Variants in CPLX2 observed in about 807,000 individuals in gnomAD.
CPLX2 encodes complexin 2, also known as complexin-2.
CPLX2 carries 5 observed loss-of-function variants against 16.3 expected under a neutral mutation model. The observed-to-expected ratio is 0.31, with a 90% CI of 0.16 to 0.64. CPLX2 has a LOEUF of 0.64. CPLX2 is among the 30% of genes least tolerant of loss of function. The pLI is 0.79. For synonymous variants in CPLX2, 89 were observed against 73.2 expected, an observed-to-expected ratio of 1.22 and a Z score of -1.10; for missense variants, 144 against 181.4, an observed-to-expected ratio of 0.79 and a Z score of 1.18.
intron 2 of CPLX2, 44 bp downstream of exon 2, chr5:175,878,814 C>T (rs1030691756): frequency 2.3e-5 from 37 of 1,610,916 alleles, no homozygotes; most frequent in Non-Finnish European, 3.1e-5. Flanking sequence ...CGGTCCCACC[C>T]TTGTGGGAGG....
chr5:175,804,646 A>G (rs983124810), intron 1 of CPLX2, among the ~76,000 whole-genome samples: 1 of 152,208 alleles, frequency 6.6e-6, no homozygotes, highest in African/African-American at 2.4e-5. Flanking sequence ...TTTATTAGAA[A>G]TGCACGATCT....
chr5:175,796,989 C>T (rs2113616139), intron 1 of CPLX2, among the ~76,000 whole-genome samples: 1 of 152,354 alleles, frequency 6.6e-6, no homozygotes, highest in South Asian at 2.1e-4. Flanking sequence ...CGCTCCAGCA[C>T]CATCTCGGGG....
chr5:175,880,091 T>C lies in CPLX2; in HGVS notation c.*46T>C. ...TACTCCACCTGTTACTACTTCTTTT[T>C]GGTTCTTTCTTTTCTTTTTATTAGG... On this transcript the variant is annotated 3_prime_UTR_variant, in exon 4 of 4. Transcript: ENST00000393745. 6.4e-7 allele frequency: 1 copy of C among 1,565,276 alleles called. No homozygotes were observed. Among genetic ancestry groups the C allele is most frequent in the South Asian group, 1.2e-5 (1 of 85,780 alleles).
intron 2 of CPLX2, among the ~76,000 whole-genome samples, chr5:175,843,405 G>A (rs962285408): frequency 1.3e-5 from 2 of 152,210 alleles, no homozygotes; most frequent in African/African-American, 2.4e-5. Flanking sequence ...CACACACAGC[G>A]CTGTGCATGC....
intron 2 of CPLX2, among the ~76,000 whole-genome samples, chr5:175,838,968 GCACT>G (rs1758894187): frequency 1.3e-5 from 2 of 152,234 alleles, no homozygotes. Context: ...GAGCAGGCCG[GCACT>G]GTGAAATGAG....
intron 2 of CPLX2, among the ~76,000 whole-genome samples, chr5:175,817,108 G>T (rs1197140998): frequency 1.3e-5 from 2 of 152,218 alleles, no homozygotes; most frequent in Non-Finnish European, 2.9e-5. Flanking sequence ...AAGTCAGTGG[G>T]CCCCACTCCA....
chr5:175,876,142 C>A (rs533045412), intron 1 of CPLX2, among the ~76,000 whole-genome samples: 4 of 152,194 alleles, frequency 2.6e-5, no homozygotes, highest in Non-Finnish European at 5.9e-5. Flanking sequence ...TATACCCCCA[C>A]ACTCACATAC....
intron 2 of CPLX2, among the ~76,000 whole-genome samples, chr5:175,858,000 C>A (rs775950721): frequency 2.0e-5 from 3 of 152,350 alleles, no homozygotes; most frequent in Admixed American, 6.5e-5. Flanking sequence ...CTGTCTCAGC[C>A]CAGCAACGTG....
At chr5:175,805,236 C>A (rs1010973293) in intron 1 of CPLX2, among the ~76,000 whole-genome samples, 1 of 152,138 alleles carries the variant, frequency 6.6e-6, no homozygotes, top group South Asian at 2.1e-4. Context: ...ACCCTAATAA[C>A]CCTTTTGAGT....
At chr5:175,869,887 A>G (rs1425342062), upstream of CPLX2, among the ~76,000 whole-genome samples, 1 of 152,222 alleles carries the variant, frequency 6.6e-6, no homozygotes, top group Admixed American at 6.5e-5. Context: ...CCATGTCAAA[A>G]GCAATACCAG....
intron 2 of CPLX2, among the ~76,000 whole-genome samples, chr5:175,824,056 C>A (rs913856710): frequency 3.2e-4 from 48 of 152,300 alleles, no homozygotes; most frequent in African/African-American, 1.1e-3. Context: ...AGGCCCCCTG[C>A]CAGCCATACA....
intron 1 of CPLX2, among the ~76,000 whole-genome samples, chr5:175,797,489 C>T (rs1390282789): frequency 6.6e-6 from 1 of 152,196 alleles, no homozygotes. Context: ...TGCGCCGCCC[C>T]GTCTTCCCTC....
chr5:175,859,488 A>G (rs1759322336), intron 2 of CPLX2, among the ~76,000 whole-genome samples: 1 of 152,240 alleles, frequency 6.6e-6, no homozygotes, highest in South Asian at 2.1e-4. Flanking sequence ...GTCTCTTGGA[A>G]GTAAGGGCAC....
chr5:175,871,431 G>GAGAGAA (rs1561790313), upstream of CPLX2: 7 of 79,708 alleles, frequency 8.8e-5, no homozygotes, highest in African/African-American at 3.0e-4. Flanking sequence ...GAGAGAGAGA[G>GAGAGAA]ACAGAGAGAG....
chr5:175,861,773 G>C (rs1490245678), intron 2 of CPLX2: 1 of 152,206 alleles, frequency 6.6e-6, no homozygotes, highest in Non-Finnish European at 1.5e-5. Flanking sequence ...GGTGAGTGTT[G>C]CACAGATGCA....
chr5:175,859,025 G>A (rs1176977510), intron 2 of CPLX2, among the ~76,000 whole-genome samples: 9 of 152,188 alleles, frequency 5.9e-5, no homozygotes, highest in African/African-American at 1.9e-4. Context: ...CAAGACGATG[G>A]AGCCTCCATG....
chr5:175,797,030 G>C (rs1757990804), intron 1 of CPLX2, among the ~76,000 whole-genome samples: 1 of 152,146 alleles, frequency 6.6e-6, no homozygotes, highest in African/African-American at 2.4e-5. Context: ...GGTCCCTATC[G>C]GGTCAGCACT....
At chr5:175,819,428 CATTTCAGCG>C (rs1758468219) in intron 2 of CPLX2, among the ~76,000 whole-genome samples, 1 of 152,188 alleles carries the variant, frequency 6.6e-6, no homozygotes, top group African/African-American at 2.4e-5. Flanking sequence ...CCGTCTTTTC[CATTTCAGCG>C]ATTCTGGTGG....
intron 2 of CPLX2, among the ~76,000 whole-genome samples, chr5:175,855,866 T>C (rs1450161846): frequency 6.6e-6 from 1 of 151,788 alleles, no homozygotes; most frequent in Non-Finnish European, 1.5e-5. Context: ...AAAGAGTGGT[T>C]CCCCAAGGTA....
Sources: gnomAD v4.1 joint callset for allele counts (sites outside exome capture counted in the v4.1 genomes callset) on GRCh38, gnomAD v4.1.1 for gene constraint, MANE v1.5 for transcripts, NCBI Gene and HGNC (gene_info 2026-07-23, HGNC 2026-07-21) for gene names.